ACVR1: variants seen among roughly 807,000 people sequenced by gnomAD.
ACVR1 encodes the protein activin A receptor type 1.
In ACVR1, 38 loss-of-function variants were observed where a neutral mutation model predicts 57.1. The observed-to-expected ratio is 0.67, with a 90% confidence interval of 0.51 to 0.87. The LOEUF (loss-of-function observed/expected upper bound fraction) is 0.87. Ranked by LOEUF, ACVR1 falls within the 40% of genes least tolerant of loss-of-function variation. ACVR1 has a pLI of 0.00. For missense variants in ACVR1, 463 were observed against 638.2 expected, an observed-to-expected ratio of 0.73 and a Z score of 2.96; for synonymous variants, 212 against 228.1, an observed-to-expected ratio of 0.93 and a Z score of 0.63.
intron 1 of ACVR1, among the ~76,000 whole-genome samples, chr2:157,825,418 A>G (rs565494203): frequency 7.9e-5 from 12 of 152,102 alleles, no homozygotes; most frequent in African/African-American, 2.7e-4. Context: ...GGGGTCCCCA[A>G]CCCCCAGGCT....
intron 3 of ACVR1, among the ~76,000 whole-genome samples, chr2:157,783,539 G>C (rs950442076): frequency 2.0e-5 from 3 of 152,140 alleles, no homozygotes; most frequent in African/African-American, 7.2e-5. Flanking sequence ...TCCTGTAGTT[G>C]TATGTGGACA....
intron 1 of ACVR1, chr2:157,838,351 A>G (rs1474033984): frequency 6.6e-6 from 1 of 152,230 alleles, no homozygotes; most frequent in Non-Finnish European, 1.5e-5. Flanking sequence ...GGTGGGGGAA[A>G]AAAAAACAAC....
intron 9 of ACVR1, among the ~76,000 whole-genome samples, chr2:157,743,979 A>G (rs753560447): frequency 1.3e-5 from 2 of 152,192 alleles, no homozygotes; most frequent in African/African-American, 4.8e-5. Flanking sequence ...TGGAAAAAGT[A>G]CTTTTCAAGT....
chr2:157,777,777 G>A (rs1146037), intron 5 of ACVR1, among the ~76,000 whole-genome samples: 121,579 of 152,162 alleles, frequency 0.8, 48,607 homozygotes, highest in East Asian at 0.93. Flanking sequence ...CCTTTTTAAA[G>A]GAGCACTTTT....
chr2:157,841,169 G>A (rs1334846427), intron 1 of ACVR1, among the ~76,000 whole-genome samples: 1 of 152,068 alleles, frequency 6.6e-6, no homozygotes, highest in African/African-American at 2.4e-5. Flanking sequence ...CAAAAAGTGG[G>A]GATATTAAAG....
chr2:157,786,571 C>T (rs1412939037), intron 3 of ACVR1, among the ~76,000 whole-genome samples: 2 of 152,120 alleles, frequency 1.3e-5, no homozygotes, highest in Non-Finnish European at 2.9e-5. Context: ...TACTTGGGCT[C>T]ACGAATATAG....
At chr2:157,869,025 C>T (rs1400528977) in intron 1 of ACVR1, among the ~76,000 whole-genome samples, 1 of 152,154 alleles carries the variant, frequency 6.6e-6, no homozygotes, top group East Asian at 1.9e-4. Flanking sequence ...GGTCATCTTC[C>T]CCACCTCCCT....
In ACVR1 at chr2:157,829,896, T is replaced by G. The variant is rs151081557; in HGVS notation, c.-182-11337A>C. Among the ~76,000 whole-genome samples, 530 of 152,296 alleles carry G rather than the reference T, an allele frequency of 3.5e-3. 1 individual carries two copies. The highest frequency in any genetic ancestry group is 6.3e-3 in the Non-Finnish European group (430 of 68,030). On this transcript the variant is annotated intron_variant, in intron 1 of 10. Coordinates refer to ENST00000434821, the MANE Select transcript of ACVR1 (RefSeq NM_001111067.4). ...TCAAAGTAAGAGTATTTTTCACCTA[T>G]GAAACATCAAGGATAGTCATAAACA...
chr2:157,740,617 C>G (rs1013358674), intron 9 of ACVR1, among the ~76,000 whole-genome samples: 2 of 152,120 alleles, frequency 1.3e-5, no homozygotes, highest in African/African-American at 2.4e-5. Flanking sequence ...AGTAATTTAC[C>G]TGTTGAGCTT....
At position 157,737,295 on chromosome 2, in the gene ACVR1, T is replaced by TTA. The variant is rs2105215087; in HGVS notation, c.*234_*235dup. 1.7e-6 allele frequency: 1 copy of TTA among 584,512 alleles called. No homozygotes were observed. The highest frequency in any genetic ancestry group is 3.0e-5 in the East Asian group (1 of 33,260). The allele number at this position is 584,512 out of a possible 1,614,324, so 36.2% of individuals were successfully genotyped here. On this transcript the variant is annotated 3_prime_UTR_variant, in exon 11 of 11. Coordinates refer to ENST00000434821, the MANE Select transcript of ACVR1 (RefSeq NM_001111067.4). ...CCTTTGCAACAGTGTCTGTCCAACA[T>TTA]TAGTCTCTGCAGTGTGAACAGTTCG...
intron 1 of ACVR1, among the ~76,000 whole-genome samples, chr2:157,853,665 T>C (rs1351748018): frequency 1.3e-5 from 2 of 152,196 alleles, no homozygotes; most frequent in Admixed American, 1.3e-4. Flanking sequence ...TATTTCAGGA[T>C]AAGACCTGAA....
At chr2:157,834,073 T>G (rs1474758491) in intron 1 of ACVR1, among the ~76,000 whole-genome samples, 1 of 152,196 alleles carries the variant, frequency 6.6e-6, no homozygotes, top group Non-Finnish European at 1.5e-5. Flanking sequence ...GTCACATACA[T>G]GTCTAGAAGC....
At chr2:157,780,787 C>T (rs1469769788) in intron 3 of ACVR1, among the ~76,000 whole-genome samples, 187 bp from the exon 4 acceptor site, 1 of 152,116 alleles carries the variant, frequency 6.6e-6, no homozygotes, top group African/African-American at 2.4e-5. Context: ...ATAATAATTG[C>T]CTCTCAACAT....
At chr2:157,844,504 C>T (rs1270835274) in intron 1 of ACVR1, among the ~76,000 whole-genome samples, 2 of 151,588 alleles carry the variant, frequency 1.3e-5, no homozygotes. Flanking sequence ...AACAAACAAA[C>T]AAAAAAAACT....
At chr2:157,805,820 C>CTTTTTTTTTTTT (rs1222482675) in intron 2 of ACVR1, among the ~76,000 whole-genome samples, 3 of 30,176 alleles carry the variant, frequency 9.9e-5, no homozygotes, top group Admixed American at 1.2e-3. Context: ...TTTCTTTTTT[C>CTTTTTTTTTTTT]TTTTTTTTTT....
chr2:157,855,269 AGTGT>A (rs532193935), intron 1 of ACVR1, among the ~76,000 whole-genome samples: 3,844 of 85,078 alleles, frequency 0.045, 109 homozygotes, highest in East Asian at 0.066. Flanking sequence ...AAAAAAAAAA[AGTGT>A]GTGTGTGTGT....
intron 1 of ACVR1, among the ~76,000 whole-genome samples, chr2:157,844,187 C>T (rs1158659022): frequency 6.6e-6 from 1 of 152,194 alleles, no homozygotes; most frequent in African/African-American, 2.4e-5. Context: ...AGATCAAGTT[C>T]AAGTGCTCAC....
chr2:157,774,648 G>A (rs1225928066), intron 5 of ACVR1, among the ~76,000 whole-genome samples: 1 of 152,210 alleles, frequency 6.6e-6, no homozygotes, highest in Non-Finnish European at 1.5e-5. Context: ...ACAGGCATGA[G>A]CCACCACGCC....
intron 8 of ACVR1, among the ~76,000 whole-genome samples, chr2:157,765,682 T>C (rs1455591380): frequency 6.6e-6 from 1 of 152,194 alleles, no homozygotes; most frequent in African/African-American, 2.4e-5. Flanking sequence ...CTATCAAAGG[T>C]TGATATGGAC....
Sources: gnomAD v4.1 joint callset for allele counts (sites outside exome capture counted in the v4.1 genomes callset) on GRCh38, gnomAD v4.1.1 for gene constraint, MANE v1.5 for transcripts, NCBI Gene and HGNC (gene_info 2026-07-23, HGNC 2026-07-21) for gene names.